Variants in TMEM178B observed in about 807,000 individuals in gnomAD.
TMEM178B encodes transmembrane protein 178B.
In TMEM178B, 5 loss-of-function variants were observed where a neutral mutation model predicts 31.0. The ratio of observed to expected loss-of-function variants is 0.16; its 90% CI spans 0.08 to 0.34. The LOEUF (loss-of-function observed/expected upper bound fraction) is 0.34. Among genes scored for constraint, TMEM178B ranks in the 10% least tolerant of loss-of-function variants. The pLI, the probability that TMEM178B is intolerant of heterozygous loss-of-function variation, is 1.00. For synonymous variants in TMEM178B, 164 were observed against 164.0 expected (o/e 1.00, Z 0.00); for missense variants, 275 against 400.3 (o/e 0.69, Z 2.67).
At chr7:141,204,354 A>G (rs1014464129) in intron 1 of TMEM178B, among the ~76,000 whole-genome samples, 1 of 152,052 alleles carries the variant, frequency 6.6e-6, no homozygotes, top group Non-Finnish European at 1.5e-5. Context: ...CACCCCTGTC[A>G]CCCCCTTAGT....
At chr7:141,502,085 C>T in the TMEM178B span, among the ~76,000 whole-genome samples, 1 of 152,114 alleles carries the variant, frequency 6.6e-6, no homozygotes, top group African/African-American at 2.4e-5. Flanking sequence ...CATCTTCCCC[C>T]AAACTGAGAC....
intron 1 of TMEM178B, among the ~76,000 whole-genome samples, chr7:141,102,685 C>T (rs1264978437): frequency 6.6e-6 from 1 of 152,224 alleles, no homozygotes; most frequent in Non-Finnish European, 1.5e-5. Context: ...TTTTTAACCA[C>T]ATTCACACTT....
At chr7:141,128,289 C>T (rs1457432101) in intron 1 of TMEM178B, among the ~76,000 whole-genome samples, 1 of 152,098 alleles carries the variant, frequency 6.6e-6, no homozygotes, top group East Asian at 1.9e-4. Context: ...CTTGCTTGGC[C>T]TTAGGAGGAA....
chr7:141,357,789 G>C (rs2116541276), intron 2 of TMEM178B, among the ~76,000 whole-genome samples: 1 of 152,244 alleles, frequency 6.6e-6, no homozygotes, highest in Middle Eastern at 3.4e-3. Context: ...CAAGTGTTTT[G>C]ATAACTAGGT....
rs1286598971 is a variant in TMEM178B at position 141,461,094 on chromosome 7, CG to C, written c.635-9440del. On this transcript the variant is annotated intron_variant, in intron 3 of 3. Transcript: ENST00000565468. This position sits in a 1 kb window ranked among gnomAD's most constrained non-coding sequence, Gnocchi z 4.0. ...GTTTTGTATCATCTACTTCCCAGGA[CG>C]GATGTGCCACTGTTGAAGGAGGAGG... 6.6e-6 allele frequency among the ~76,000 whole-genome samples: 1 copy of C among 152,164 alleles called. No homozygotes were observed. The highest frequency in any genetic ancestry group is 1.5e-5 in the Non-Finnish European group (1 of 68,038).
intron 2 of TMEM178B, among the ~76,000 whole-genome samples, chr7:141,232,954 C>A (rs1221810198): frequency 6.6e-6 from 1 of 152,194 alleles, no homozygotes; most frequent in Non-Finnish European, 1.5e-5. Flanking sequence ...CTGTGAGCTG[C>A]CCTCCCTAAA....
rs541980303 is a variant in TMEM178B at position 141,309,595 on chromosome 7, A to G, written c.496+96891A>G. ...TTCCACTTTGATAGATTAGGGATAGATATTAATTTTTTATCTTCTCTTGTG... is the reference window on the plus strand; with the variant it reads ...TTCCACTTTGATAGATTAGGGATAGGTATTAATTTTTTATCTTCTCTTGTG... On this transcript the variant is annotated intron_variant, in intron 2 of 3. Transcript: ENST00000565468. Among the ~76,000 whole-genome samples, 7 of 152,278 alleles carry G rather than the reference A, an allele frequency of 4.6e-5. No homozygotes were observed. In the South Asian group the frequency reaches 1.4e-3, roughly 32 times the overall value.
chr7:141,080,710 ACGAAG>A (rs1259188525), intron 1 of TMEM178B, among the ~76,000 whole-genome samples: 3 of 152,262 alleles, frequency 2.0e-5, no homozygotes, highest in Non-Finnish European at 2.9e-5. Flanking sequence ...GTCTGCCCTT[ACGAAG>A]CGCAAAGGGG....
chr7:141,131,726 A>G (rs979252071), intron 1 of TMEM178B, among the ~76,000 whole-genome samples: 1 of 151,966 alleles, frequency 6.6e-6, no homozygotes, highest in Non-Finnish European at 1.5e-5. Context: ...GGTAGTTTCT[A>G]GTTTTGGGCT....
chr7:141,211,266 C>G (rs754116938), intron 1 of TMEM178B, among the ~76,000 whole-genome samples: 12 of 152,208 alleles, frequency 7.9e-5, no homozygotes, highest in Non-Finnish European at 1.6e-4. Context: ...GTGCATACTA[C>G]TCTCTAGAAC....
intron 1 of TMEM178B, among the ~76,000 whole-genome samples, chr7:141,123,880 G>GTAGC (rs145692278): frequency 0.049 from 7,429 of 152,158 alleles, 615 homozygotes; most frequent in African/African-American, 0.17. Flanking sequence ...AGCTTCCTGA[G>GTAGC]TAGCTGGGAC....
intron 2 of TMEM178B, among the ~76,000 whole-genome samples, chr7:141,326,194 A>G (rs1799186876): frequency 6.6e-6 from 1 of 152,216 alleles, no homozygotes; most frequent in Admixed American, 6.5e-5. Flanking sequence ...AACAATGGTT[A>G]AAAATCTCCT....
At chr7:141,124,773 A>G (rs765459231) in intron 1 of TMEM178B, among the ~76,000 whole-genome samples, 25 of 152,228 alleles carry the variant, frequency 1.6e-4, no homozygotes, top group Non-Finnish European at 2.9e-4. Flanking sequence ...TAGGGATATG[A>G]GTATTATATT....
intron 2 of TMEM178B, among the ~76,000 whole-genome samples, chr7:141,313,364 C>T (rs1798946952): frequency 6.6e-6 from 1 of 152,110 alleles, no homozygotes; most frequent in Admixed American, 6.6e-5. Flanking sequence ...TTTGCTCTCA[C>T]CCTCATGGCT....
intron 2 of TMEM178B, among the ~76,000 whole-genome samples, chr7:141,350,447 G>A (rs531677032): frequency 4.6e-5 from 7 of 152,206 alleles, no homozygotes; most frequent in South Asian, 2.1e-4. Flanking sequence ...ATTATTGTCC[G>A]AAACGATACC....
chr7:141,219,222 G>A (rs945687359), intron 2 of TMEM178B, among the ~76,000 whole-genome samples: 5 of 152,200 alleles, frequency 3.3e-5, no homozygotes, highest in African/African-American at 1.2e-4. Flanking sequence ...GACCTCAGAG[G>A]AATCCGAGGG....
the TMEM178B span, among the ~76,000 whole-genome samples, chr7:141,488,477 G>A: frequency 6.6e-6 from 1 of 151,134 alleles, no homozygotes; most frequent in African/African-American, 2.4e-5. Context: ...GTCTCGCTCT[G>A]TCACCAGACT....
At chr7:141,382,422 C>T (rs1179150258) in intron 2 of TMEM178B, among the ~76,000 whole-genome samples, 2 of 152,160 alleles carry the variant, frequency 1.3e-5, no homozygotes, top group African/African-American at 4.8e-5. Flanking sequence ...TTTGAGAATC[C>T]ACCAATTTGT....
At chr7:141,315,120 T>C (rs376544385) in intron 2 of TMEM178B, among the ~76,000 whole-genome samples, 38 of 152,336 alleles carry the variant, frequency 2.5e-4, no homozygotes, top group African/African-American at 9.1e-4. Context: ...AGTTTTTTAA[T>C]GTCCCTCCAA....
Sources: allele counts gnomAD v4.1 joint callset (sites outside exome capture counted in the v4.1 genomes callset), GRCh38; gene constraint gnomAD v4.1.1; non-coding constraint Gnocchi (gnomAD v3.1); transcripts MANE v1.5; gene names NCBI Gene and HGNC (gene_info 2026-07-23, HGNC 2026-07-21).